The following GSE1 variants were observed in gnomAD, a reference collection of about 807,000 sequenced individuals.
GSE1 encodes genetic suppressor element 1.
In GSE1, 32 loss-of-function variants were observed where a neutral mutation model predicts 112.6. The ratio of observed to expected loss-of-function variants is 0.28; its 90% CI spans 0.21 to 0.38. The LOEUF (loss-of-function observed/expected upper bound fraction) is 0.38. Ranked by LOEUF, GSE1 falls within the 10% of genes least tolerant of loss-of-function variation. GSE1 has a pLI of 1.00. For missense variants in GSE1, 2,348 were observed against 1,699.2 expected (o/e 1.38, Z -6.71); for synonymous variants, 1,115 against 735.6 (o/e 1.52, Z -8.35).
chr16:85,633,209 G>A (rs1004645043), intron 1 of GSE1, among the ~76,000 whole-genome samples: 13 of 152,156 alleles, frequency 8.5e-5, no homozygotes, highest in South Asian at 4.1e-4. Context: ...TCTGCAGTGC[G>A]GCCGTGTTCT....
chr16:85,213,487 T>TA (rs1485896484), intron 1 of GSE1, among the ~76,000 whole-genome samples: 1 of 152,144 alleles, frequency 6.6e-6, no homozygotes, highest in Non-Finnish European at 1.5e-5. Context: ...CCCCCTACTA[T>TA]TATAATAACA....
intron 1 of GSE1, among the ~76,000 whole-genome samples, chr16:85,262,792 A>C (rs1472481621): frequency 6.6e-6 from 1 of 152,204 alleles, no homozygotes; most frequent in Non-Finnish European, 1.5e-5. Context: ...GTCTCTCACA[A>C]GCTTGCCGCG....
chr16:85,292,933 A>T (rs545308373), intron 1 of GSE1, among the ~76,000 whole-genome samples: 1 of 152,276 alleles, frequency 6.6e-6, no homozygotes, highest in Admixed American at 6.5e-5. Context: ...AAATTGCTTT[A>T]TTTTTTATTG....
intron 1 of GSE1, among the ~76,000 whole-genome samples, chr16:85,244,480 A>T (rs970881129): frequency 6.6e-5 from 10 of 152,196 alleles, no homozygotes; most frequent in African/African-American, 2.4e-4. Flanking sequence ...TTTGTGTTTT[A>T]ATAAGAAAAA....
At chr16:85,566,233 A>G (rs890982623) in intron 1 of GSE1, among the ~76,000 whole-genome samples, 2 of 152,022 alleles carry the variant, frequency 1.3e-5, no homozygotes, top group African/African-American at 4.8e-5. Flanking sequence ...GAAGAGGGGG[A>G]CCCCACCTGG....
At chr16:85,210,227 A>G (rs1219580335) in intron 1 of GSE1, among the ~76,000 whole-genome samples, 2 of 152,228 alleles carry the variant, frequency 1.3e-5, no homozygotes, top group Non-Finnish European at 2.9e-5. Flanking sequence ...AATTTGTCCT[A>G]AAGAAGTAAC....
At chr16:85,635,965 C>T (rs1420718911) in intron 2 of GSE1, among the ~76,000 whole-genome samples, 1 of 152,252 alleles carries the variant, frequency 6.6e-6, no homozygotes, top group Non-Finnish European at 1.5e-5. Flanking sequence ...CGCTTCCTCT[C>T]CGCTGCCCCA....
intron 2 of GSE1, among the ~76,000 whole-genome samples, chr16:85,406,941 CT>C (rs764980442): frequency 3.5e-4 from 2 of 5,714 alleles, no homozygotes; most frequent in Non-Finnish European, 2.9e-4. Flanking sequence ...CAGAGCCCCC[CT>C]GGATAATCCT....
In GSE1 at chr16:85,419,772, C is replaced by A. The variant is rs1164914834; in HGVS notation, c.2464+62129C>A. 6.6e-6 allele frequency among the ~76,000 whole-genome samples: 1 copy of A among 151,950 alleles called. No homozygotes were observed. Among genetic ancestry groups the A allele is most frequent in the Non-Finnish European group, 1.5e-5 (1 of 67,974 alleles). ...CCTGCCTCCCCCGCCCCGCCCCCAC[C>A]CCTCCAAGACTCTGATGGAAATGGT... On this transcript the variant is annotated intron_variant, in intron 2 of 2. Coordinates refer to the GSE1 transcript ENST00000637419. The surrounding 1 kb of genome is among the most constrained non-coding windows in gnomAD (Gnocchi z 6.5).
intron 1 of GSE1, among the ~76,000 whole-genome samples, chr16:85,617,007 C>G (rs1410391253): frequency 6.6e-6 from 1 of 152,204 alleles, no homozygotes; most frequent in Admixed American, 6.5e-5. Context: ...CCACCAGCCT[C>G]TTCTCTCACG....
chr16:85,608,087 G>A (rs1378537027), upstream of GSE1, among the ~76,000 whole-genome samples: 2 of 152,214 alleles, frequency 1.3e-5, no homozygotes, highest in South Asian at 2.1e-4. Context: ...GCAGGGATGG[G>A]AAAAGCCTTC....
chr16:85,529,201 T>C lies in GSE1; in HGVS notation c.2465-104713T>C, dbSNP rs577158162. ...TGTGGGACTGGAGTGGGGGTGGGGG[T>C]GTCAAGCCGCCAGGAGGTTTTCAGC... is the stretch of plus-strand genomic sequence containing the variant. On this transcript the variant is annotated intron_variant, in intron 2 of 2. Coordinates refer to the GSE1 transcript ENST00000637419. Among the ~76,000 whole-genome samples, 8 of 151,364 alleles carry C rather than the reference T, an allele frequency of 5.3e-5. No homozygotes were observed. The South Asian group carries it at 1.0e-3, about 20-fold the overall frequency.
At chr16:85,655,665 G>A (rs112646883) in intron 5 of GSE1, 61 bp from the exon 6 acceptor site, 52 of 1,169,078 alleles carry the variant, frequency 4.4e-5, no homozygotes, top group African/African-American at 2.0e-4. Context: ...CACACCTGTC[G>A]ACAGGGCTGG....
chr16:85,578,068 G>C (rs1022108565), intron 1 of GSE1, among the ~76,000 whole-genome samples: 3 of 152,232 alleles, frequency 2.0e-5, no homozygotes, highest in Non-Finnish European at 2.9e-5. Context: ...GCTGCTGAAA[G>C]GCCTGCAGTT....
chr16:85,598,279 T>G (rs1045045139), intron 1 of GSE1, among the ~76,000 whole-genome samples: 25 of 151,166 alleles, frequency 1.7e-4, no homozygotes, highest in African/African-American at 5.9e-4. Context: ...GGACCCCATG[T>G]GCTGTGCCTG....
At position 85,657,313 on chromosome 16, in the gene GSE1, C is replaced by A; in HGVS notation, c.1349C>A (p.Pro450His). The change falls in exon 8 of 16, where the codon CCC (proline) becomes CAC (histidine). Residue 450 changes from proline (P) to histidine (H), a missense_variant. Physicochemically the swap from Pro to His is moderately conservative, Grantham distance 77. Coordinates refer to ENST00000253458, the MANE Select transcript of GSE1 (RefSeq NM_014615.5). ...LKDAGLQAPKPVQHPLHPVPT... is the reference protein window; with the variant it reads ...LKDAGLQAPKHVQHPLHPVPT... ...GATGCCGGCCTGCAGGCGCCCAAGC[C>A]CGTCCAACACCCCTTGCATCCGGTG... 1 of 1,595,524 alleles carries A rather than the reference C, an allele frequency of 6.3e-7. No individual in the cohort carries two copies. Among genetic ancestry groups the A allele is most frequent in the South Asian group, 1.1e-5 (1 of 88,794 alleles).
Position 85,648,646 on chromosome 16 carries a change from T to C in GSE1, c.321T>C (p.Pro107=), listed in dbSNP as rs369354583. Residue 107 remains proline, a synonymous_variant, in exon 3 of 16, where the codon CCT becomes CCC. Transcript: ENST00000253458. ...CACCCAAGCGCGTGCCCATGGGCCC[T>C]ATCATCGTCCCCCCTGGGGGCCACA... ...ASTPKRVPMG[P]IIVPPGGHSV... The C allele has an allele frequency of 6.3e-7, 1 of 1,599,708 alleles. No individual in the cohort carries two copies. The highest frequency in any genetic ancestry group is 8.5e-7 in the Non-Finnish European group (1 of 1,169,776).
chr16:85,666,211 G>T lies in GSE1; in HGVS notation c.2994G>T (p.Lys998Asn). 1.2e-6 allele frequency: 2 copies of T among 1,613,702 alleles called. No individual in the cohort carries two copies. The highest frequency in any genetic ancestry group is 1.7e-6 in the Non-Finnish European group (2 of 1,180,048). ...MLHYIRGAAP[K>N]DIPVPLSHST... Reference sequence around the variant, plus strand: ...ACTATATCCGGGGCGCTGCACCCAAGGACATTCCTGTGCCGCTGTCCCACA... The same window carrying T: ...ACTATATCCGGGGCGCTGCACCCAATGACATTCCTGTGCCGCTGTCCCACA... Residue 998 changes from lysine to asparagine, a missense_variant, in exon 13 of 16, where the codon AAG (lysine) becomes AAT (asparagine). Coordinates refer to ENST00000253458, the MANE Select transcript of GSE1 (RefSeq NM_014615.5).
intron 2 of GSE1, among the ~76,000 whole-genome samples, chr16:85,418,668 GGAGA>G (rs375341384): frequency 4.7e-4 from 72 of 152,304 alleles, no homozygotes; most frequent in African/African-American, 1.5e-3. Flanking sequence ...AGTGCCAAAA[GGAGA>G]GAGAGTCCTT....
Sources: gnomAD v4.1 joint callset for allele counts (sites outside exome capture counted in the v4.1 genomes callset) on GRCh38, gnomAD v4.1.1 for gene constraint, Gnocchi (gnomAD v3.1) non-coding constraint, MANE v1.5 for transcripts, NCBI Gene and HGNC (gene_info 2026-07-23, HGNC 2026-07-21) for gene names.